The following NXPE2 variants were observed in gnomAD, a reference collection of about 807,000 sequenced individuals.
The protein encoded by NXPE2 is neurexophilin and PC-esterase domain family member 2.
In NXPE2, 34 loss-of-function variants were observed where a neutral mutation model predicts 34.4. That is an observed-to-expected ratio of 0.99 (90% CI 0.75 to 1.31). The LOEUF (loss-of-function observed/expected upper bound fraction) is 1.31, where lower values mean the gene tolerates loss of function less well. Ranked by LOEUF, NXPE2 falls within the 40% of genes most tolerant of loss-of-function variation. NXPE2 has a pLI of 0.00. For missense variants in NXPE2, 649 were observed against 672.5 expected (o/e 0.97, Z 0.39); for synonymous variants, 235 against 231.3 (o/e 1.02, Z -0.15).
the NXPE2 span, among the ~76,000 whole-genome samples, chr11:114,634,979 A>G: frequency 6.6e-6 from 1 of 151,980 alleles, no homozygotes; most frequent in South Asian, 2.1e-4. Flanking sequence ...ACTTTAAAGT[A>G]GTTTTTTCCA....
chr11:114,610,765 C>T, the NXPE2 span, among the ~76,000 whole-genome samples: 3 of 147,004 alleles, frequency 2.0e-5, no homozygotes, highest in Non-Finnish European at 4.5e-5. Context: ...GTTGCCTTGT[C>T]GGTAACCACT....
At chr11:114,687,826 A>G (rs1951076729) in intron 2 of NXPE2, among the ~76,000 whole-genome samples, 1 of 151,476 alleles carries the variant, frequency 6.6e-6, no homozygotes, top group African/African-American at 2.4e-5. Context: ...CCTTGGTTAG[A>G]TGTATTCCTA....
At chr11:114,643,307 T>A in the NXPE2 span, among the ~76,000 whole-genome samples, 2 of 152,270 alleles carry the variant, frequency 1.3e-5, no homozygotes, top group South Asian at 4.1e-4. Context: ...CTGCTTTTGG[T>A]GTTTTAGTCA....
downstream of NXPE2, among the ~76,000 whole-genome samples, chr11:114,712,001 A>T (rs1485772314): frequency 6.6e-6 from 1 of 152,210 alleles, no homozygotes; most frequent in African/African-American, 2.4e-5. Flanking sequence ...CAGTAGGGAA[A>T]AAAAGAACAG....
chr11:114,532,064 T>C, the NXPE2 span, among the ~76,000 whole-genome samples: 2 of 152,174 alleles, frequency 1.3e-5, no homozygotes, highest in Admixed American at 1.3e-4. Context: ...AGACCAGTAG[T>C]TGTCATCCCC....
the NXPE2 span, chr11:114,517,987 C>T: frequency 6.6e-6 from 1 of 152,448 alleles, no homozygotes; most frequent in East Asian, 1.9e-4. Context: ...GGAACAGGTT[C>T]ACAAGGTGCG....
At chr11:114,807,210 A>C in the NXPE2 span, among the ~76,000 whole-genome samples, 1 of 150,664 alleles carries the variant, frequency 6.6e-6, no homozygotes, top group South Asian at 2.1e-4. Flanking sequence ...ATGGAAAGGA[A>C]CAACCAGTAC....
At chr11:114,609,582 C>A in the NXPE2 span, among the ~76,000 whole-genome samples, 1 of 151,696 alleles carries the variant, frequency 6.6e-6, no homozygotes, top group Non-Finnish European at 1.5e-5. Flanking sequence ...CCACTGTTAC[C>A]ATGTGGATAA....
the NXPE2 span, among the ~76,000 whole-genome samples, chr11:114,810,704 C>A: frequency 1.4e-4 from 21 of 152,094 alleles, no homozygotes; most frequent in African/African-American, 2.4e-4. Context: ...GCTGGAGAGG[C>A]TGTGGAGAAA....
At chr11:114,607,031 C>G in the NXPE2 span, among the ~76,000 whole-genome samples, 2 of 151,990 alleles carry the variant, frequency 1.3e-5, no homozygotes, top group Non-Finnish European at 2.9e-5. Context: ...TCACGGTTAC[C>G]CAGTGGATAA....
At chr11:114,800,255 G>A in the NXPE2 span, among the ~76,000 whole-genome samples, 1 of 152,260 alleles carries the variant, frequency 6.6e-6, no homozygotes, top group African/African-American at 2.4e-5. Flanking sequence ...GGAATAAGGG[G>A]TTAACCAATC....
At chr11:114,559,516 T>C in the NXPE2 span, among the ~76,000 whole-genome samples, 1,906 of 152,314 alleles carry the variant, frequency 0.013, 45 homozygotes, top group African/African-American at 0.043. Context: ...CTGGGGACTT[T>C]TGCTGGTTGG....
At chr11:114,634,218 G>C in the NXPE2 span, among the ~76,000 whole-genome samples, 1 of 151,778 alleles carries the variant, frequency 6.6e-6, no homozygotes, top group African/African-American at 2.4e-5. Context: ...GGCCAGTGAT[G>C]GTGAGCATTT....
chr11:114,630,520 A>T, the NXPE2 span, among the ~76,000 whole-genome samples: 1 of 151,818 alleles, frequency 6.6e-6, no homozygotes, highest in Admixed American at 6.6e-5. Flanking sequence ...ACAAAAATCA[A>T]TTCAAGATGG....
chr11:114,724,496 G>A, the NXPE2 span, among the ~76,000 whole-genome samples: 1 of 152,054 alleles, frequency 6.6e-6, no homozygotes, highest in South Asian at 2.1e-4. Context: ...TTTATATATT[G>A]TTTTTGCCAT....
intron 2 of NXPE2, among the ~76,000 whole-genome samples, chr11:114,687,806 T>C (rs11533179): frequency 0.099 from 15,118 of 152,044 alleles, 883 homozygotes; most frequent in Middle Eastern, 0.2. Context: ...CTTGTAGAGA[T>C]CTTTCACCTC....
the NXPE2 span, among the ~76,000 whole-genome samples, chr11:114,608,388 C>A: frequency 6.6e-6 from 1 of 151,926 alleles, no homozygotes. Flanking sequence ...TAAGTGTTGC[C>A]TCATGGGTAA....
the NXPE2 span, among the ~76,000 whole-genome samples, chr11:114,770,726 C>T: frequency 4.6e-5 from 7 of 152,132 alleles, no homozygotes; most frequent in East Asian, 3.9e-4. Flanking sequence ...ATTTTATAGG[C>T]GAGCAAACTG....
chr11:114,486,313 G>C, the NXPE2 span, among the ~76,000 whole-genome samples: 2 of 152,110 alleles, frequency 1.3e-5, no homozygotes, highest in Non-Finnish European at 2.9e-5. Context: ...AGAAATGTCA[G>C]TTCATATCTT....
Sources: allele counts gnomAD v4.1 joint callset (sites outside exome capture counted in the v4.1 genomes callset), GRCh38; gene constraint gnomAD v4.1.1; transcripts MANE v1.5; gene names NCBI Gene and HGNC (gene_info 2026-07-23, HGNC 2026-07-21).